The following LRRC52 variants were observed in gnomAD, a reference collection of about 807,000 sequenced individuals.
The protein encoded by LRRC52 is leucine rich repeat containing 52, also known as leucine-rich repeat-containing protein 52.
Under a neutral mutation model 14.7 loss-of-function variants are expected in LRRC52, and 15 were observed. The ratio of observed to expected loss-of-function variants is 1.02; its 90% CI spans 0.68 to 1.58. The LOEUF (loss-of-function observed/expected upper bound fraction) is 1.58. Ranked by LOEUF, LRRC52 falls within the 40% of genes most tolerant of loss-of-function variation. The pLI is 0.00. For synonymous variants in LRRC52, 180 were observed against 163.9 expected (o/e 1.10, Z -0.75); for missense variants, 400 against 387.7 (o/e 1.03, Z -0.27).
intron 1 of LRRC52, among the ~76,000 whole-genome samples, chr1:165,547,581 C>T (rs753523063): frequency 8.5e-5 from 13 of 152,134 alleles, no homozygotes; most frequent in Non-Finnish European, 1.8e-4. Context: ...CATACAATCA[C>T]AAATATGCAC....
chr1:165,554,164 T>C (rs1661187725), intron 1 of LRRC52, among the ~76,000 whole-genome samples: 1 of 152,202 alleles, frequency 6.6e-6, no homozygotes, highest in Admixed American at 6.5e-5. Context: ...CACATGAAGA[T>C]TTTAGAACTG....
intron 1 of LRRC52, among the ~76,000 whole-genome samples, chr1:165,547,954 T>A (rs1661055783): frequency 6.6e-6 from 1 of 152,260 alleles, no homozygotes; most frequent in African/African-American, 2.4e-5. Context: ...CGTGGAAATA[T>A]CTTTGCTATT....
At chr1:165,562,901 A>T (rs1175158908) in intron 1 of LRRC52, among the ~76,000 whole-genome samples, 2 of 151,964 alleles carry the variant, frequency 1.3e-5, no homozygotes, top group Admixed American at 6.6e-5. Context: ...CCGGGGGGAA[A>T]GTGGTGAGCG....
At chr1:165,559,790 CT>C (rs1304797250) in intron 1 of LRRC52, among the ~76,000 whole-genome samples, 2 of 152,164 alleles carry the variant, frequency 1.3e-5, no homozygotes, top group Non-Finnish European at 2.9e-5. Context: ...TCAAAAAACC[CT>C]TCTAATATTT....
chr1:165,555,685 G>A (rs1391980423), intron 1 of LRRC52, among the ~76,000 whole-genome samples: 1 of 152,192 alleles, frequency 6.6e-6, no homozygotes, highest in African/African-American at 2.4e-5. Context: ...AATTAGAAGA[G>A]GTAAGAATCA....
intron 1 of LRRC52, among the ~76,000 whole-genome samples, chr1:165,551,886 C>T (rs138652712): frequency 3.3e-5 from 5 of 151,782 alleles, no homozygotes; most frequent in Middle Eastern, 3.4e-3. Context: ...CTTAGATTTC[C>T]GGAATGAATT....
At chr1:165,562,200 T>C (rs1661357251) in intron 1 of LRRC52, among the ~76,000 whole-genome samples, 1 of 152,244 alleles carries the variant, frequency 6.6e-6, no homozygotes. Flanking sequence ...TGAATCTCAG[T>C]TTCCTTATTT....
rs536626197 is a variant in LRRC52 at position 165,560,703 on chromosome 1, A to G, written c.623-2802A>G. Reference sequence around the variant, plus strand: ...GGGAAGAACATGATCCTGCAAAACTAGGGGTATGAGGCATTTGACAAAAAA... The same window carrying G: ...GGGAAGAACATGATCCTGCAAAACTGGGGGTATGAGGCATTTGACAAAAAA... On this transcript the variant is annotated intron_variant, in intron 1 of 1. Coordinates refer to ENST00000294818, the MANE Select transcript of LRRC52 (RefSeq NM_001005214.4). 1.8e-4 allele frequency among the ~76,000 whole-genome samples: 27 copies of G among 152,284 alleles called. No homozygotes were observed. The East Asian group carries it at 4.6e-3, about 26-fold the overall frequency.
rs538649387 is a variant in LRRC52 at position 165,562,484 on chromosome 1, C to T, written c.623-1021C>T. ...GGCAGTGATAGGGCTCCGAGGATTCCGTGCTTGAGGCACAATCACCTGTGC... is the reference window on the plus strand; with the variant it reads ...GGCAGTGATAGGGCTCCGAGGATTCTGTGCTTGAGGCACAATCACCTGTGC... On this transcript the variant is annotated intron_variant, in intron 1 of 1. Transcript: ENST00000294818. Among the ~76,000 whole-genome samples, 7 of 152,236 alleles carry T rather than the reference C, an allele frequency of 4.6e-5. No homozygotes were observed. In the South Asian group the frequency reaches 6.2e-4, roughly 14 times the overall value.
chr1:165,557,695 G>T (rs991333675), intron 1 of LRRC52, among the ~76,000 whole-genome samples: 1 of 152,178 alleles, frequency 6.6e-6, no homozygotes, highest in East Asian at 1.9e-4. Context: ...TGGGTGGACT[G>T]GGGCCTAAAA....
chr1:165,544,722 C>A lies in LRRC52; in HGVS notation c.426C>A (p.His142Gln), dbSNP rs916830385. Residue 142 changes from histidine (H) to glutamine (Q), a missense_variant, in exon 1 of 2, where the codon CAC (histidine) becomes CAA (glutamine). Coordinates refer to ENST00000294818, the MANE Select transcript of LRRC52 (RefSeq NM_001005214.4). The part of the protein sequence containing the change: ...IANNPHLLSL[H>Q]KFTFANTTSL... ...ACAACCCTCACCTGTTATCGCTTCA[C>A]AAGTTCACCTTTGCCAACACCACCT... 5 of 1,613,986 alleles carry A rather than the reference C, an allele frequency of 3.1e-6. No homozygotes were observed. Among genetic ancestry groups the A allele is most frequent in the Non-Finnish European group, 4.2e-6 (5 of 1,180,038 alleles).
chr1:165,563,486 G>A lies in LRRC52; in HGVS notation c.623-19G>A. 6.3e-7 allele frequency: 1 copy of A among 1,598,662 alleles called. No homozygotes were observed. Among genetic ancestry groups the A allele is most frequent in the Non-Finnish European group, 8.5e-7 (1 of 1,171,482 alleles). ...GTCACGCTGTTTCAGCACCCTGCCT[G>A]CTGTGTTTTTCTTCTTAGATGATCT... On this transcript the variant is annotated intron_variant, in intron 1 of 1. Transcript: ENST00000294818.
Position 165,544,206 on chromosome 1 carries a change from C to CCACCCCCCCCCCA in LRRC52, c.-90_-89insACCCCCCCCCCAC. 1 of 1,031,634 alleles carries CCACCCCCCCCCCA rather than the reference C, an allele frequency of 9.7e-7. No homozygotes were observed. Among genetic ancestry groups the CCACCCCCCCCCCA allele is most frequent in the Non-Finnish European group, 1.4e-6 (1 of 732,998 alleles). The allele number at this position is 1,031,634 out of a possible 1,614,324, so 63.9% of individuals were successfully genotyped here. A position where few individuals can be genotyped will look rare whatever the true frequency, so the allele number is the denominator to read the frequency against. On this transcript the variant is annotated 5_prime_UTR_variant, in exon 1 of 2. Transcript: ENST00000294818. ...AAGTGTTACAGTTCTTTCCAGAGCC[C>CCACCCCCCCCCCA]CTCCCCCGCCCCACCCCCCCACCGG...
At chr1:165,547,874 G>A (rs1344204575) in intron 1 of LRRC52, among the ~76,000 whole-genome samples, 2 of 152,092 alleles carry the variant, frequency 1.3e-5, no homozygotes, top group African/African-American at 2.4e-5. Context: ...TTGCCTTCTA[G>A]CCAAACCTCA....
Position 165,544,912 on chromosome 1 carries a change from C to T in LRRC52, c.616C>T (p.Pro206Ser), listed in dbSNP as rs756015872. The T allele has an allele frequency of 9.3e-6, 15 of 1,612,938 alleles. No homozygotes were observed. In the South Asian group the frequency reaches 1.6e-4, roughly 18 times the overall value. ...CTTCTTAATAGTGTTCCATATGGAC[C>T]CCTCAGGTGAGGGCTTGATTGGGTG... is the stretch of plus-strand genomic sequence containing the variant. The part of the protein sequence containing the change: ...AIFLIVFHMD[P>S]SDDLNATCVE... Residue 206 changes from proline to serine, a missense_variant, in exon 1 of 2, where the codon CCC becomes TCC. Pro to Ser is a moderately conservative substitution (Grantham distance 74). Coordinates refer to ENST00000294818, the MANE Select transcript of LRRC52 (RefSeq NM_001005214.4).
At chr1:165,562,345 A>G (rs1661360483) in intron 1 of LRRC52, among the ~76,000 whole-genome samples, 1 of 152,166 alleles carries the variant, frequency 6.6e-6, no homozygotes, top group Non-Finnish European at 1.5e-5. Context: ...TGGTTGTCTC[A>G]AGCCCTGAGC....
chr1:165,563,749 G>A lies in LRRC52; in HGVS notation c.867G>A (p.Gly289=). 1.2e-6 allele frequency: 2 copies of A among 1,614,186 alleles called. No individual in the cohort carries two copies. The highest frequency in any genetic ancestry group is 1.7e-6 in the Non-Finnish European group (2 of 1,180,038). Residue 289 remains glycine, a synonymous_variant, in exon 2 of 2, where the codon GGG becomes GGA. Transcript: ENST00000294818. The stretch of plus-strand genomic sequence containing the variant: ...GTGAAGAAGATGAGGACGAGGCCGG[G>A]ACTAGGGTGGAAGTCAGCCGGCGGA... ...KSSEEDEDEA[G]TRVEVSRRIF... is the part of the protein sequence containing the mutation.
At chr1:165,548,204 T>C (rs556796690) in intron 1 of LRRC52, among the ~76,000 whole-genome samples, 9 of 152,328 alleles carry the variant, frequency 5.9e-5, no homozygotes, top group African/African-American at 1.7e-4. Flanking sequence ...ACCTTAGCCC[T>C]GGGAAATTTT....
At chr1:165,548,299 T>C (rs1661064375) in intron 1 of LRRC52, among the ~76,000 whole-genome samples, 1 of 152,230 alleles carries the variant, frequency 6.6e-6, no homozygotes, top group South Asian at 2.1e-4. Flanking sequence ...ACTTCCATGC[T>C]ACAATTCAGT....
Sources: allele counts gnomAD v4.1 joint callset (sites outside exome capture counted in the v4.1 genomes callset), GRCh38; gene constraint gnomAD v4.1.1; transcripts MANE v1.5; gene names NCBI Gene and HGNC (gene_info 2026-07-23, HGNC 2026-07-21).